Variants in PTPRG observed in about 807,000 individuals in gnomAD.
The protein encoded by PTPRG is protein tyrosine phosphatase receptor type G, also known as receptor-type tyrosine-protein phosphatase gamma.
In PTPRG, 102 loss-of-function variants were observed where a neutral mutation model predicts 165.3. That is an observed-to-expected ratio of 0.62 (90% CI 0.53 to 0.73). The LOEUF (loss-of-function observed/expected upper bound fraction) is 0.73, where lower values mean the gene tolerates loss of function less well. PTPRG is among the 30% of genes least tolerant of loss of function. The probability of loss-of-function intolerance (pLI) is 0.00; values close to 1 mark genes in which losing one functional copy is unlikely to be tolerated. For synonymous variants in PTPRG, 675 were observed against 669.5 expected (o/e 1.01, Z -0.13); for missense variants, 1,866 against 1,861.4 (o/e 1.00, Z -0.05).
intron 4 of PTPRG, among the ~76,000 whole-genome samples, chr3:62,070,402 G>A (rs1190317010): frequency 6.6e-6 from 1 of 152,170 alleles, no homozygotes. Context: ...GATTTTGTTA[G>A]TGTTTATGGC....
At chr3:61,924,111 T>C (rs1213713297) in intron 2 of PTPRG, among the ~76,000 whole-genome samples, 1 of 152,242 alleles carries the variant, frequency 6.6e-6, no homozygotes, top group Non-Finnish European at 1.5e-5. Flanking sequence ...TCAAAATTTA[T>C]GTTTCCTCTT....
chr3:62,128,583 A>G lies in PTPRG; in HGVS notation c.616-4019A>G, dbSNP rs181972990. On this transcript the variant is annotated intron_variant, in intron 5 of 29. Coordinates refer to ENST00000474889, the MANE Select transcript of PTPRG (RefSeq NM_002841.4). ...TTTATTGGATGTGGCATTTGTACTC[A>G]GCATTATACTCTAAACTTTAAACGT... Among the ~76,000 whole-genome samples, 82 of 151,782 alleles carry G rather than the reference A, an allele frequency of 5.4e-4. No individual in the cohort carries two copies. The East Asian group carries it at 0.01, about 19-fold the overall frequency.
intron 3 of PTPRG, among the ~76,000 whole-genome samples, chr3:62,002,978 C>T (rs934400875): frequency 3.9e-5 from 6 of 152,160 alleles, no homozygotes; most frequent in Non-Finnish European, 7.4e-5. Flanking sequence ...CCCCATGAAT[C>T]AGTGCTTAAA....
chr3:61,797,590 C>A (rs956368528), intron 2 of PTPRG, among the ~76,000 whole-genome samples: 3 of 141,852 alleles, frequency 2.1e-5, no homozygotes, highest in Admixed American at 7.0e-5. Context: ...CACCCCCCCC[C>A]ACCCCCCCAC....
intron 1 of PTPRG, among the ~76,000 whole-genome samples, chr3:61,632,158 A>T (rs1701788455): frequency 6.6e-6 from 1 of 152,192 alleles, no homozygotes; most frequent in Non-Finnish European, 1.5e-5. Flanking sequence ...TACCAAAAAA[A>T]TTAGCTGGGT....
At chr3:61,876,738 G>T (rs559844991) in intron 2 of PTPRG, among the ~76,000 whole-genome samples, 1 of 152,202 alleles carries the variant, frequency 6.6e-6, no homozygotes, top group East Asian at 1.9e-4. Context: ...GTGAAACCCT[G>T]TCTCTAATAC....
chr3:61,812,725 A>G (rs2035623924), intron 2 of PTPRG, among the ~76,000 whole-genome samples: 1 of 152,210 alleles, frequency 6.6e-6, no homozygotes, highest in Non-Finnish European at 1.5e-5. Flanking sequence ...GGCTCCTCAG[A>G]TGTTCACCCT....
chr3:61,748,778 CTA>C, intron 1 of PTPRG, 98 bp from the exon 2 acceptor site: 1 of 887,238 alleles, frequency 1.1e-6, no homozygotes, highest in Non-Finnish European at 1.8e-6. Context: ...TCCTCAAGGA[CTA>C]TGATTCTACG....
At chr3:61,700,085 A>G (rs17065198) in intron 1 of PTPRG, among the ~76,000 whole-genome samples, 7,346 of 152,102 alleles carry the variant, frequency 0.048, 330 homozygotes, top group African/African-American at 0.12. Context: ...CTTATATAGT[A>G]AATGGGTGGC....
chr3:61,818,350 G>C (rs2035849730), intron 2 of PTPRG, among the ~76,000 whole-genome samples: 1 of 152,112 alleles, frequency 6.6e-6, no homozygotes. Flanking sequence ...GAATTGAAGA[G>C]AAAGATGGCA....
At chr3:61,672,077 G>A (rs1384280209) in intron 1 of PTPRG, among the ~76,000 whole-genome samples, 15 of 145,620 alleles carry the variant, frequency 1.0e-4, no homozygotes, top group African/African-American at 2.3e-4. Flanking sequence ...CTCACATCCC[G>A]GACGGGGCAG....
chr3:62,114,823 T>G (rs1034319629), intron 5 of PTPRG, among the ~76,000 whole-genome samples: 1 of 148,664 alleles, frequency 6.7e-6, no homozygotes, highest in Non-Finnish European at 1.5e-5. Flanking sequence ...TAGTTTTTTG[T>G]AGAGACAGGG....
At chr3:61,661,916 T>C (rs1702679245) in intron 1 of PTPRG, among the ~76,000 whole-genome samples, 1 of 152,234 alleles carries the variant, frequency 6.6e-6, no homozygotes, top group African/African-American at 2.4e-5. Flanking sequence ...ATTTAAATTT[T>C]AATAAGCACC....
At position 62,296,471 on chromosome 3, in the gene PTPRG, A is replaced by G. The variant is rs991496892; in HGVS notation, c.*3164A>G. On this transcript the variant is annotated 3_prime_UTR_variant, in exon 30 of 30. Transcript: ENST00000474889. Reference sequence around the variant, plus strand: ...ATAGATACCAATTTACCAAAGATACATATTACTAATTCTAAGCAAAACTAA... The same window carrying G: ...ATAGATACCAATTTACCAAAGATACGTATTACTAATTCTAAGCAAAACTAA... 6.6e-6 allele frequency: 1 copy of G among 151,950 alleles called. No homozygotes were observed. Among genetic ancestry groups the G allele is most frequent in the Non-Finnish European group, 1.5e-5 (1 of 67,952 alleles). The allele number at this position is 151,950 out of a possible 1,614,324, so 9.4% of individuals were successfully genotyped here.
intron 1 of PTPRG, among the ~76,000 whole-genome samples, chr3:61,691,665 A>G (rs969684664): frequency 2.0e-5 from 3 of 152,234 alleles, no homozygotes; most frequent in African/African-American, 7.2e-5. Flanking sequence ...ACAATGAGAA[A>G]TATTTATACA....
At chr3:61,955,040 C>T (rs1030200666) in intron 2 of PTPRG, among the ~76,000 whole-genome samples, 2 of 152,168 alleles carry the variant, frequency 1.3e-5, no homozygotes, top group Non-Finnish European at 2.9e-5. Context: ...TACATAATGG[C>T]ATCTCCCAGC....
chr3:61,961,239 G>A, intron 2 of PTPRG, among the ~76,000 whole-genome samples: 1 of 152,146 alleles, frequency 6.6e-6, no homozygotes, highest in East Asian at 1.9e-4. Context: ...GGCAGCATAA[G>A]TTTCCAGAAA....
At chr3:61,905,772 A>T (rs2107529541) in intron 2 of PTPRG, among the ~76,000 whole-genome samples, 1 of 152,256 alleles carries the variant, frequency 6.6e-6, no homozygotes, top group Admixed American at 6.5e-5. Context: ...TTATTAGAAA[A>T]CTTTCAACTG....
chr3:61,673,509 A>G (rs1185564299), intron 1 of PTPRG, among the ~76,000 whole-genome samples: 1 of 151,962 alleles, frequency 6.6e-6, no homozygotes, highest in Non-Finnish European at 1.5e-5. Flanking sequence ...CCAGTTTGGC[A>G]TTAGGCATCA....
Sources: allele counts gnomAD v4.1 joint callset (sites outside exome capture counted in the v4.1 genomes callset), GRCh38; gene constraint gnomAD v4.1.1; transcripts MANE v1.5; gene names NCBI Gene and HGNC (gene_info 2026-07-23, HGNC 2026-07-21).